SUGCT: variants seen among roughly 807,000 people sequenced by gnomAD.
The protein encoded by SUGCT is succinyl-CoA:glutarate CoA-transferase.
A neutral mutation model predicts 55.0 loss-of-function variants in SUGCT; 41 were observed. That is an observed-to-expected ratio of 0.74 (90% CI 0.58 to 0.97). The LOEUF is 0.97. SUGCT is among the 50% of genes least tolerant of loss of function. SUGCT has a pLI of 0.00. For missense variants in SUGCT, 568 were observed against 547.8 expected, an observed-to-expected ratio of 1.04 and a Z score of -0.37; for synonymous variants, 187 against 200.4, an observed-to-expected ratio of 0.93 and a Z score of 0.56.
At chr7:40,641,707 A>C (rs1233330484) in intron 12 of SUGCT, among the ~76,000 whole-genome samples, 1 of 152,174 alleles carries the variant, frequency 6.6e-6, no homozygotes, top group Non-Finnish European at 1.5e-5. Context: ...AAAATGTTCC[A>C]TGTGTAAAGG....
chr7:40,570,850 C>CTTTTTTTTTTTTTTT lies in SUGCT; in HGVS notation c.1089+74477_1089+74491dup, dbSNP rs776733346. 2.2e-3 allele frequency among the ~76,000 whole-genome samples: 116 copies of CTTTTTTTTTTTTTTT among 52,304 alleles called. 25 individuals are homozygous for CTTTTTTTTTTTTTTT. Among genetic ancestry groups the CTTTTTTTTTTTTTTT allele is most frequent in the African/African-American group, 9.6e-3 (111 of 11,528 alleles). 34.3% of individuals were successfully genotyped at this position (52,304 alleles called of 152,430 possible). ...CCCCTCTGGGCAAAAGCTTTAGGCT[C>CTTTTTTTTTTTTTTT]TTTTTTTTTTTTTTTTTTTTTTTTT... On this transcript the variant is annotated intron_variant, in intron 12 of 13. Transcript: ENST00000335693.
At chr7:40,457,286 A>G (rs1213492999) in intron 10 of SUGCT, among the ~76,000 whole-genome samples, 1 of 152,080 alleles carries the variant, frequency 6.6e-6, no homozygotes, top group Non-Finnish European at 1.5e-5. Context: ...CTAAAAATAC[A>G]GAAAAATTAG....
intron 7 of SUGCT, among the ~76,000 whole-genome samples, chr7:40,245,435 T>TAA (rs1434960007): frequency 3.1e-5 from 1 of 32,302 alleles, no homozygotes; most frequent in Non-Finnish European, 5.6e-5. Context: ...TTTTTTTTTT[T>TAA]TTTTTTTTTT....
At chr7:40,994,702 A>G in the SUGCT span, among the ~76,000 whole-genome samples, 1 of 152,130 alleles carries the variant, frequency 6.6e-6, no homozygotes, top group Non-Finnish European at 1.5e-5. Flanking sequence ...TGCGATTCCC[A>G]GGGTTGGAGG....
chr7:40,971,598 A>G, the SUGCT span, among the ~76,000 whole-genome samples: 2 of 152,192 alleles, frequency 1.3e-5, no homozygotes, highest in East Asian at 3.9e-4. Context: ...TGGATAACAC[A>G]CAGACATTGA....
chr7:40,326,711 C>T (rs1796043767), intron 9 of SUGCT, among the ~76,000 whole-genome samples: 1 of 152,088 alleles, frequency 6.6e-6, no homozygotes, highest in Non-Finnish European at 1.5e-5. Context: ...GGGAGTAAGG[C>T]TTCTAGTTTA....
At chr7:41,011,771 C>T in the SUGCT span, among the ~76,000 whole-genome samples, 2 of 152,160 alleles carry the variant, frequency 1.3e-5, no homozygotes, top group African/African-American at 2.4e-5. Flanking sequence ...TACAGACCTA[C>T]CCACATATAT....
At chr7:40,791,630 T>C (rs1252552831) in intron 13 of SUGCT, among the ~76,000 whole-genome samples, 1 of 152,200 alleles carries the variant, frequency 6.6e-6, no homozygotes, top group East Asian at 1.9e-4. Context: ...AGGTCCCATG[T>C]AAACAAATAG....
At chr7:40,237,478 A>C (rs536810236) in intron 6 of SUGCT, among the ~76,000 whole-genome samples, 157 bp from the exon 7 acceptor site, 1 of 152,040 alleles carries the variant, frequency 6.6e-6, no homozygotes, top group Admixed American at 6.6e-5. Context: ...CGAGCACTAT[A>C]ATGAATTCTT....
intron 13 of SUGCT, among the ~76,000 whole-genome samples, chr7:40,805,568 A>C (rs1008891538): frequency 1.3e-5 from 2 of 152,154 alleles, no homozygotes; most frequent in African/African-American, 4.8e-5. Flanking sequence ...AGACATGAAA[A>C]ATTTTGTTCC....
intron 13 of SUGCT, among the ~76,000 whole-genome samples, chr7:40,814,913 A>G (rs1791593587): frequency 6.6e-6 from 1 of 151,664 alleles, no homozygotes; most frequent in African/African-American, 2.4e-5. Context: ...CTCCCTTCCT[A>G]GGTGATGTGA....
intron 13 of SUGCT, among the ~76,000 whole-genome samples, chr7:40,815,673 T>A (rs2128761784): frequency 1.3e-5 from 2 of 152,064 alleles, no homozygotes; most frequent in African/African-American, 4.8e-5. Context: ...GGTGGGGTAG[T>A]TCAGGCTGCT....
At chr7:40,682,713 C>T (rs1241049387) in intron 12 of SUGCT, among the ~76,000 whole-genome samples, 7 of 148,202 alleles carry the variant, frequency 4.7e-5, no homozygotes. Flanking sequence ...CTGACTCCCT[C>T]CCATCCCCTC....
At chr7:40,738,589 A>G (rs1297648359) in intron 12 of SUGCT, among the ~76,000 whole-genome samples, 1 of 152,224 alleles carries the variant, frequency 6.6e-6, no homozygotes, top group Non-Finnish European at 1.5e-5. Flanking sequence ...AACAAAATGC[A>G]TTACTGTTCA....
Position 40,337,844 on chromosome 7 carries a change from C to T in SUGCT, c.816+20989C>T, listed in dbSNP as rs193002146. ...AGTTGATGCAGTTTCTTCCTAGCCT[C>T]GGTGGTCTTTACAATTTGGCATGTT... On this transcript the variant is annotated intron_variant, in intron 9 of 13. Transcript: ENST00000335693. 4.4e-3 allele frequency among the ~76,000 whole-genome samples: 673 copies of T among 152,164 alleles called. 12 individuals are homozygous for T. The South Asian group carries it at 0.059, about 13-fold the overall frequency.
chr7:40,749,016 T>G (rs1203774609), intron 12 of SUGCT, among the ~76,000 whole-genome samples: 1 of 152,212 alleles, frequency 6.6e-6, no homozygotes, highest in African/African-American at 2.4e-5. Flanking sequence ...TCCAGGAGCA[T>G]GTGTACCACC....
At chr7:40,330,546 C>T (rs1199337700) in intron 9 of SUGCT, among the ~76,000 whole-genome samples, 2 of 151,942 alleles carry the variant, frequency 1.3e-5, no homozygotes. Flanking sequence ...TACCTGCTGG[C>T]AAACGCTCCT....
intron 12 of SUGCT, among the ~76,000 whole-genome samples, chr7:40,748,140 G>C (rs1787825287): frequency 6.6e-6 from 1 of 152,008 alleles, no homozygotes; most frequent in South Asian, 2.1e-4. Flanking sequence ...TACCTATCTC[G>C]GTCCCATTGT....
intron 12 of SUGCT, among the ~76,000 whole-genome samples, chr7:40,610,608 G>A (rs140789111): frequency 4.6e-5 from 7 of 152,148 alleles, no homozygotes; most frequent in South Asian, 2.1e-4. Flanking sequence ...CTTGTAACGC[G>A]TAATGGTTCA....
Sources: gnomAD v4.1 joint callset for allele counts (sites outside exome capture counted in the v4.1 genomes callset) on GRCh38, gnomAD v4.1.1 for gene constraint, MANE v1.5 for transcripts, NCBI Gene and HGNC (gene_info 2026-07-23, HGNC 2026-07-21) for gene names.